ATP2A3: variants seen among roughly 807,000 people sequenced by gnomAD.
ATP2A3 encodes the protein sarcoplasmic/endoplasmic reticulum calcium ATPase 3.
A neutral mutation model predicts 106.8 loss-of-function variants in ATP2A3; 61 were observed. The ratio of observed to expected loss-of-function variants is 0.57; its 90% CI spans 0.46 to 0.71. ATP2A3 has a LOEUF of 0.71. ATP2A3 is among the 30% of genes least tolerant of loss of function. The probability of loss-of-function intolerance (pLI) is 0.00; values close to 1 mark genes in which losing one functional copy is unlikely to be tolerated. For missense variants in ATP2A3, 1,201 were observed against 1,423.5 expected, an observed-to-expected ratio of 0.84 and a Z score of 2.52; for synonymous variants, 611 against 609.3, an observed-to-expected ratio of 1.00 and a Z score of -0.04.
At chr17:3,937,171 A>AGGC in intron 15 of ATP2A3, 1 of 559,176 alleles carries the variant, frequency 1.8e-6, no homozygotes, top group Non-Finnish European at 3.2e-6. Flanking sequence ...GAGGGCTGAC[A>AGGC]GGCGACTCTT....
chr17:3,964,156 C>T lies in ATP2A3; in HGVS notation c.118+18G>A. On this transcript the variant is annotated intron_variant, in intron 1 of 20. Transcript: ENST00000397041. ...GCGCGGCCCCCGCTCCCCGGCCCGG[C>T]CCGGCCCGCGCGCTCACCGTTGGGG... The T allele has an allele frequency of 1.8e-6, 2 of 1,140,382 alleles. No individual in the cohort carries two copies. The highest frequency in any genetic ancestry group is 4.8e-5 in the East Asian group (1 of 20,746). The allele number at this position is 1,140,382 out of a possible 1,614,324, so 70.6% of individuals were successfully genotyped here. A position where few individuals can be genotyped will look rare whatever the true frequency, so the allele number is the denominator to read the frequency against.
intron 20 of ATP2A3, chr17:3,927,866 ACCCAGCTGC>A (rs2052799186): frequency 6.4e-7 from 1 of 1,563,236 alleles, no homozygotes; most frequent in East Asian, 2.3e-5. Context: ...GCCCCCAACG[ACCCAGCTGC>A]CCCAGTGCAG....
In ATP2A3 at chr17:3,942,663, C is replaced by A. The variant is rs769821730; in HGVS notation, c.1488G>T (p.Val496=). ...EFSRDRKSMS[V]YCTPTRPHPT... ...GGTGAGGGCGGGTGGGCGTGCAGTA[C>A]ACGGACATGGATTTCCGGTCTCGGG... The change falls in exon 12 of 21, where the codon GTG becomes GTT. Residue 496 remains valine (V), a synonymous_variant. Coordinates refer to ENST00000397041, the MANE Select transcript of ATP2A3 (RefSeq NM_005173.4). The A allele has an allele frequency of 7.4e-6, 12 of 1,613,668 alleles. No homozygotes were observed. In the South Asian group the frequency reaches 1.3e-4, roughly 18 times the overall value.
At chr17:3,963,726 C>G (rs2055270566) in intron 1 of ATP2A3, among the ~76,000 whole-genome samples, 1 of 152,220 alleles carries the variant, frequency 6.6e-6, no homozygotes, top group Non-Finnish European at 1.5e-5. Flanking sequence ...TGGGCGTTTT[C>G]TGGAGCCCTC....
In ATP2A3 at chr17:3,953,634, A is replaced by G; in HGVS notation, c.136+59T>C. On this transcript the variant is annotated intron_variant, in intron 2 of 20. Transcript: ENST00000397041. This position sits in a 1 kb window ranked among gnomAD's most constrained non-coding sequence, Gnocchi z 5.1. ...GGGGAGAAGGAAGTCATGACCAGACAGAGAACGACCCAGGGATGCTGCCCG... is the reference window on the plus strand; with the variant it reads ...GGGGAGAAGGAAGTCATGACCAGACGGAGAACGACCCAGGGATGCTGCCCG... The G allele has an allele frequency of 6.4e-7, 1 of 1,554,732 alleles. No homozygotes were observed. Among genetic ancestry groups the G allele is most frequent in the Non-Finnish European group, 8.7e-7 (1 of 1,148,206 alleles).
chr17:3,941,100 C>G lies in ATP2A3; in HGVS notation c.1971G>C (p.Glu657Asp), dbSNP rs1483197640. The G allele has an allele frequency of 6.2e-7, 1 of 1,613,880 alleles. No individual in the cohort carries two copies. Among genetic ancestry groups the G allele is most frequent in the African/African-American group, 1.3e-5 (1 of 74,946 alleles). ...GCTGCTCGGGGCTGAGGTCATCAAACTCGCGGCCCGTGTAGGCCTTGCCCG... is the reference window on the plus strand; with the variant it reads ...GCTGCTCGGGGCTGAGGTCATCAAAGTCGCGGCCCGTGTAGGCCTTGCCCG... ...DVAGKAYTGR[E>D]FDDLSPEQQR... Residue 657 changes from glutamate (E) to aspartate (D), a missense_variant, in exon 14 of 21, where the codon GAG becomes GAC. Transcript: ENST00000397041.
In ATP2A3 at chr17:3,955,921, G is replaced by A. The variant is rs537535254; in HGVS notation, c.119-2211C>T. On this transcript the variant is annotated intron_variant, in intron 1 of 20. Transcript: ENST00000397041. This position sits in a 1 kb window ranked among gnomAD's most constrained non-coding sequence, Gnocchi z 4.2. The stretch of plus-strand genomic sequence containing the variant: ...TTTTGAGATGGAGTCTTGCTCTCTC[G>A]CCCAGGCTGGAGCGCAGTGGCGGGA... 4.0e-5 allele frequency among the ~76,000 whole-genome samples: 6 copies of A among 149,810 alleles called. No homozygotes were observed. Among genetic ancestry groups the A allele is most frequent in the South Asian group, 2.1e-4 (1 of 4,740 alleles).
chr17:3,936,482 C>T lies in ATP2A3; in HGVS notation c.2322-13G>A, dbSNP rs764973489. 5.0e-6 allele frequency: 8 copies of T among 1,613,644 alleles called. No individual in the cohort carries two copies. Among genetic ancestry groups the T allele is most frequent in the Non-Finnish European group, 6.8e-6 (8 of 1,179,980 alleles). ...CGTGAGGAAGATGCTGGAACAGAGT[C>T]ATGAGCTCTAGCCCCGGTAGGCCTA... On this transcript the variant is annotated splice_polypyrimidine_tract_variant and intron_variant, in intron 15 of 20. Coordinates refer to ENST00000397041, the MANE Select transcript of ATP2A3 (RefSeq NM_005173.4). The surrounding 1 kb of genome is among the most constrained non-coding windows in gnomAD (Gnocchi z 5.4).
At chr17:3,945,033 C>T (rs1414451823) in intron 9 of ATP2A3, 27 bp downstream of exon 9, 16 of 1,486,900 alleles carry the variant, frequency 1.1e-5, no homozygotes, top group Non-Finnish European at 1.2e-5. Context: ...GGCCGCCCGC[C>T]CGCGCGTCCC....
At chr17:3,933,259 T>A (rs987868092) in intron 17 of ATP2A3, among the ~76,000 whole-genome samples, 1 of 150,530 alleles carries the variant, frequency 6.6e-6, no homozygotes, top group Non-Finnish European at 1.5e-5. Flanking sequence ...CCAGCCTGGG[T>A]GACAGAGCGA....
At position 3,943,391 on chromosome 17, in the gene ATP2A3, C is replaced by G; in HGVS notation, c.1419G>C (p.Thr473=). 1 of 1,613,862 alleles carries G rather than the reference C, an allele frequency of 6.2e-7. No individual in the cohort carries two copies. Among genetic ancestry groups the G allele is most frequent in the Non-Finnish European group, 8.5e-7 (1 of 1,180,012 alleles). ...SRVERAGACN[T]VIKQLMRKEF... is the part of the protein sequence containing the mutation. The stretch of plus-strand genomic sequence containing the variant: ...GGCCTGAGCCCCCAGCCCTGCTCAC[C>G]GTGTTACAGGCGCCAGCTCGCTCCA... The change falls in exon 11 of 21, where the codon ACG becomes ACC. Residue 473 remains threonine, a splice_region_variant and synonymous_variant. Coordinates refer to ENST00000397041, the MANE Select transcript of ATP2A3 (RefSeq NM_005173.4).
rs1450871003 is a variant in ATP2A3, at chr17:3,944,689, G to C, written c.1287+15C>G. On this transcript the variant is annotated intron_variant, in intron 10 of 20. Coordinates refer to ENST00000397041, the MANE Select transcript of ATP2A3 (RefSeq NM_005173.4). Reference sequence around the variant, plus strand: ...CCTGGATACTAGGGAGGTCATGAAAGGGGGTGAGGCCCACCTCGTTGTAGT... The same window carrying C: ...CCTGGATACTAGGGAGGTCATGAAACGGGGTGAGGCCCACCTCGTTGTAGT... 1 of 1,610,972 alleles carries C rather than the reference G, an allele frequency of 6.2e-7. No individual in the cohort carries two copies. The highest frequency in any genetic ancestry group is 8.5e-7 in the Non-Finnish European group (1 of 1,178,362).
intron 17 of ATP2A3, among the ~76,000 whole-genome samples, chr17:3,932,375 C>T (rs1006113486): frequency 2.0e-5 from 3 of 152,090 alleles, no homozygotes; most frequent in Non-Finnish European, 4.4e-5. Context: ...ATCTCCTGAC[C>T]TCAAGTGATC....
intron 1 of ATP2A3, among the ~76,000 whole-genome samples, chr17:3,961,985 G>A (rs1356236607): frequency 6.6e-6 from 1 of 152,194 alleles, no homozygotes; most frequent in Non-Finnish European, 1.5e-5. Context: ...GCCATGGCAA[G>A]CCTGAGGCAG....
At chr17:3,954,998 GTC>G (rs1221521601) in intron 1 of ATP2A3, among the ~76,000 whole-genome samples, 4 of 152,204 alleles carry the variant, frequency 2.6e-5, no homozygotes, top group African/African-American at 4.8e-5. Context: ...GAGTGAGTGG[GTC>G]TGTGTGGGGA....
chr17:3,927,716 CCCT>C (rs953268805), intron 20 of ATP2A3: 1 of 984,858 alleles, frequency 1.0e-6, no homozygotes, highest in African/African-American at 1.8e-5. Flanking sequence ...CCCACCTGCA[CCCT>C]CGAGTGAGCC....
chr17:3,948,855 G>A (rs889117045), intron 7 of ATP2A3, among the ~76,000 whole-genome samples: 1 of 152,080 alleles, frequency 6.6e-6, no homozygotes, highest in African/African-American at 2.4e-5. Flanking sequence ...TGGGCCAGGT[G>A]CAGTGGCTCA....
At position 3,925,567 on chromosome 17, in the gene ATP2A3, A is replaced by G. The variant is rs1342841500; in HGVS notation, c.2981-126T>C. The G allele has an allele frequency of 3.3e-6, 4 of 1,217,912 alleles. No homozygotes were observed. The highest frequency in any genetic ancestry group is 1.5e-5 in the African/African-American group (1 of 66,700). The allele number at this position is 1,217,912 out of a possible 1,614,324, so 75.4% of individuals were successfully genotyped here. A position where few individuals can be genotyped will look rare whatever the true frequency, so the allele number is the denominator to read the frequency against. Reference sequence around the variant, plus strand: ...GCCCCAGGCTCCCAAGGCCTCCCTTAGTCCAGACCTCAGTCTACCCCAGCC... The same window carrying G: ...GCCCCAGGCTCCCAAGGCCTCCCTTGGTCCAGACCTCAGTCTACCCCAGCC... On this transcript the variant is annotated intron_variant, in intron 20 of 20. Transcript: ENST00000397041. The surrounding 1 kb of genome is among the most constrained non-coding windows in gnomAD (Gnocchi z 4.2).
rs747198047 is a variant in ATP2A3 at position 3,953,662 on chromosome 17, G to T, written c.136+31C>A. On this transcript the variant is annotated intron_variant, in intron 2 of 20. Coordinates refer to ENST00000397041, the MANE Select transcript of ATP2A3 (RefSeq NM_005173.4). The surrounding 1 kb of genome is among the most constrained non-coding windows in gnomAD (Gnocchi z 5.1). ...GAACGACCCAGGGATGCTGCCCGCG[G>T]CCTAGAGGTCCATCCCGGTGCCAGC... 15 of 1,560,062 alleles carry T rather than the reference G, an allele frequency of 9.6e-6. No individual in the cohort carries two copies. The Admixed American group carries it at 2.1e-4, about 22-fold the overall frequency.
Sources: gnomAD v4.1 joint callset for allele counts (sites outside exome capture counted in the v4.1 genomes callset) on GRCh38, gnomAD v4.1.1 for gene constraint, Gnocchi (gnomAD v3.1) non-coding constraint, MANE v1.5 for transcripts, NCBI Gene and HGNC (gene_info 2026-07-23, HGNC 2026-07-21) for gene names.